Variants in SLC22A23 observed in about 807,000 individuals in gnomAD.
SLC22A23 encodes the protein ion transporter protein.
A neutral mutation model predicts 61.0 loss-of-function variants in SLC22A23; 26 were observed. That is an observed-to-expected ratio of 0.43 (90% confidence interval 0.31 to 0.59). SLC22A23 has a LOEUF of 0.59. SLC22A23 is among the 20% of genes least tolerant of loss of function. The probability of loss-of-function intolerance (pLI) is 0.11; values close to 1 mark genes in which losing one functional copy is unlikely to be tolerated. For synonymous variants in SLC22A23, 430 were observed against 413.9 expected (o/e 1.04, Z -0.47); for missense variants, 796 against 934.7 (o/e 0.85, Z 1.94).
chr6:3,337,295 G>A (rs186880733), intron 3 of SLC22A23, among the ~76,000 whole-genome samples: 6 of 152,204 alleles, frequency 3.9e-5, no homozygotes, highest in African/African-American at 7.2e-5. Context: ...GTGACTATGT[G>A]TGCCTAAGGC....
intron 1 of SLC22A23, among the ~76,000 whole-genome samples, chr6:3,443,514 G>A (rs1001598506): frequency 6.6e-6 from 1 of 152,170 alleles, no homozygotes; most frequent in African/African-American, 2.4e-5. Flanking sequence ...TAGCCAGCAG[G>A]TGAGTTACAT....
At chr6:3,345,612 G>A (rs1490404176) in intron 3 of SLC22A23, among the ~76,000 whole-genome samples, 1 of 151,956 alleles carries the variant, frequency 6.6e-6, no homozygotes, top group East Asian at 1.9e-4. Flanking sequence ...TGATCCTCCC[G>A]CCTCAGCCTG....
Position 3,324,866 on chromosome 6 carries a change from T to G in SLC22A23, c.914-864A>C, listed in dbSNP as rs1763186644. Among the ~76,000 whole-genome samples, 1 of 152,172 alleles carries G rather than the reference T, an allele frequency of 6.6e-6. No individual in the cohort carries two copies. Among genetic ancestry groups the G allele is most frequent in the African/African-American group, 2.4e-5 (1 of 41,434 alleles). On this transcript the variant is annotated intron_variant, in intron 3 of 9. Transcript: ENST00000406686. The surrounding 1 kb of genome is among the most constrained non-coding windows in gnomAD (Gnocchi z 4.3). ...TCTATTCTTTTACTTTGACCTTGAG[T>G]CAAAAAGATGATCAGAAAACTTTAA...
chr6:3,376,143 T>C (rs1225690498), intron 3 of SLC22A23, among the ~76,000 whole-genome samples: 2 of 152,186 alleles, frequency 1.3e-5, no homozygotes. Context: ...TAAATACCAA[T>C]GCTGGCTTCA....
intron 8 of SLC22A23, among the ~76,000 whole-genome samples, chr6:3,284,680 C>A (rs1237859462): frequency 6.6e-6 from 1 of 152,220 alleles, no homozygotes; most frequent in African/African-American, 2.4e-5. Context: ...AGCAAGCTTA[C>A]ATGAGTCAAA....
At chr6:3,334,316 C>T (rs1480588547) in intron 3 of SLC22A23, among the ~76,000 whole-genome samples, 3 of 152,178 alleles carry the variant, frequency 2.0e-5, no homozygotes, top group Admixed American at 6.5e-5. Flanking sequence ...CACCTTCCAT[C>T]GTGCCTGCTA....
At chr6:3,356,957 C>T (rs1277995353) in intron 3 of SLC22A23, among the ~76,000 whole-genome samples, 1 of 148,674 alleles carries the variant, frequency 6.7e-6, no homozygotes, top group African/African-American at 2.5e-5. Context: ...TCCCAACTGT[C>T]GTGGTTTGTT....
At chr6:3,341,785 G>A (rs773686118) in intron 3 of SLC22A23, among the ~76,000 whole-genome samples, 1 of 151,914 alleles carries the variant, frequency 6.6e-6, no homozygotes, top group Non-Finnish European at 1.5e-5. Context: ...AGGGGGGTGG[G>A]GGCGGGGGAG....
intron 3 of SLC22A23, among the ~76,000 whole-genome samples, chr6:3,350,152 G>T (rs936565694): frequency 1.4e-4 from 22 of 152,194 alleles, no homozygotes; most frequent in African/African-American, 5.3e-4. Context: ...CCCTTATTGT[G>T]TGTGATGCAC....
chr6:3,347,100 T>C (rs907007977), intron 3 of SLC22A23, among the ~76,000 whole-genome samples: 13 of 152,214 alleles, frequency 8.5e-5, no homozygotes, highest in African/African-American at 3.1e-4. Flanking sequence ...TACATTATGT[T>C]GCACACATTT....
chr6:3,347,066 G>C (rs1387730788), intron 3 of SLC22A23, among the ~76,000 whole-genome samples: 1 of 151,700 alleles, frequency 6.6e-6, no homozygotes, highest in Non-Finnish European at 1.5e-5. Context: ...TTTTTAAATG[G>C]TTATCAGTTT....
In SLC22A23 at chr6:3,272,877, T is replaced by G. The variant is rs1035988117; in HGVS notation, c.*178A>C. 9.3e-6 allele frequency: 5 copies of G among 539,504 alleles called. No individual in the cohort carries two copies. The African/African-American group carries it at 9.6e-5, about 10-fold the overall frequency. The allele number at this position is 539,504 out of a possible 1,614,324, so 33.4% of individuals were successfully genotyped here. A position where few individuals can be genotyped will look rare whatever the true frequency, so the allele number is the denominator to read the frequency against. On this transcript the variant is annotated 3_prime_UTR_variant, in exon 10 of 10. Coordinates refer to ENST00000406686, the MANE Select transcript of SLC22A23 (RefSeq NM_015482.2). ...TTGAAAGGGTTATTTCCAAAGAGTT[T>G]GTCTCCTCCGACCCGCGCTCCTTGG...
intron 3 of SLC22A23, among the ~76,000 whole-genome samples, chr6:3,365,969 C>T (rs1276009104): frequency 1.3e-5 from 2 of 152,142 alleles, no homozygotes; most frequent in East Asian, 1.9e-4. Context: ...GATGCTGCAT[C>T]GGAGTGTGCA....
At chr6:3,376,448 C>T (rs868620248) in intron 3 of SLC22A23, among the ~76,000 whole-genome samples, 30 of 152,158 alleles carry the variant, frequency 2.0e-4, no homozygotes, top group African/African-American at 6.5e-4. Flanking sequence ...CCTGTAGCTC[C>T]CATTTCAGTA....
rs1280891435 is a variant in SLC22A23 at position 3,454,248 on chromosome 6, C to G, written c.654+1658G>C. On this transcript the variant is annotated intron_variant, in intron 1 of 9. Coordinates refer to ENST00000406686, the MANE Select transcript of SLC22A23 (RefSeq NM_015482.2). This position sits in a 1 kb window ranked among gnomAD's most constrained non-coding sequence, Gnocchi z 4.3. ...ATGCTAATTTAGAAAAACTGCCCAG[C>G]TCTCCAATATGCCTCCATAGTCTGC... 1.3e-5 allele frequency among the ~76,000 whole-genome samples: 2 copies of G among 152,198 alleles called. No homozygotes were observed. Among genetic ancestry groups the G allele is most frequent in the Non-Finnish European group, 2.9e-5 (2 of 68,038 alleles).
At chr6:3,403,659 G>T (rs114402374) in intron 3 of SLC22A23, among the ~76,000 whole-genome samples, 1 of 152,122 alleles carries the variant, frequency 6.6e-6, no homozygotes, top group Admixed American at 6.5e-5. Flanking sequence ...ATCTAGGGGG[G>T]TAAGAGGAAG....
At chr6:3,285,191 G>T in intron 7 of SLC22A23, 80 bp from the exon 8 acceptor site, 1 of 1,580,686 alleles carries the variant, frequency 6.3e-7, no homozygotes, top group Non-Finnish European at 8.6e-7. Flanking sequence ...ATTAGGTGTG[G>T]AGTTAGCCTA....
chr6:3,423,018 G>C (rs183090276), intron 1 of SLC22A23, among the ~76,000 whole-genome samples: 1 of 151,522 alleles, frequency 6.6e-6, no homozygotes, highest in Admixed American at 6.6e-5. Flanking sequence ...CGATTCATTC[G>C]AACCCTTAAG....
At chr6:3,289,478 C>T (rs1177581754) in intron 6 of SLC22A23, among the ~76,000 whole-genome samples, 1 of 152,258 alleles carries the variant, frequency 6.6e-6, no homozygotes, top group African/African-American at 2.4e-5. Context: ...CCCACTGTGC[C>T]CCTGAGGAGG....
Sources: allele counts gnomAD v4.1 joint callset (sites outside exome capture counted in the v4.1 genomes callset), GRCh38; gene constraint gnomAD v4.1.1; non-coding constraint Gnocchi (gnomAD v3.1); transcripts MANE v1.5; gene names NCBI Gene and HGNC (gene_info 2026-07-23, HGNC 2026-07-21).